The following DCC variants were observed in gnomAD, a reference collection of about 807,000 sequenced individuals.
DCC encodes DCC netrin 1 receptor.
Under a neutral mutation model 172.5 loss-of-function variants are expected in DCC, and 58 were observed. The ratio of observed to expected loss-of-function variants is 0.34; its 90% CI spans 0.27 to 0.42. The LOEUF (loss-of-function observed/expected upper bound fraction) is 0.42, where lower values mean the gene tolerates loss of function less well. Among genes scored for constraint, DCC ranks in the 10% least tolerant of loss-of-function variants. The probability of loss-of-function intolerance (pLI) is 1.00; values close to 1 mark genes in which losing one functional copy is unlikely to be tolerated. For synonymous variants in DCC, 709 were observed against 644.5 expected (o/e 1.10, Z -1.52); for missense variants, 1,740 against 1,791.0 (o/e 0.97, Z 0.51).
rs1037458998 is a variant in DCC, at chr18:53,494,510, A to T, written c.3899-4788A>T. Among the ~76,000 whole-genome samples the T allele has an allele frequency of 2.0e-5, 3 of 152,250 alleles. No homozygotes were observed. In the South Asian group the frequency reaches 6.2e-4, roughly 31 times the overall value. Reference sequence around the variant, plus strand: ...CTGGGTGCTCCTGCATTGGGTGCATATACATTTAGGATACTTAGCTCTTCT... The same window carrying T: ...CTGGGTGCTCCTGCATTGGGTGCATTTACATTTAGGATACTTAGCTCTTCT... On this transcript the variant is annotated intron_variant, in intron 26 of 28. Transcript: ENST00000442544.
At chr18:53,316,781 T>C (rs551915950) in intron 13 of DCC, among the ~76,000 whole-genome samples, 9 of 152,322 alleles carry the variant, frequency 5.9e-5, no homozygotes, top group Admixed American at 5.2e-4. Context: ...GCTTGTGATT[T>C]TTGCACATTG....
intron 25 of DCC, among the ~76,000 whole-genome samples, chr18:53,473,432 T>C (rs997329812): frequency 1.3e-5 from 2 of 152,222 alleles, no homozygotes; most frequent in African/African-American, 4.8e-5. Flanking sequence ...TTTGGAGAGC[T>C]CTTTTTTTGT....
At chr18:53,373,885 G>A (rs2058084726) in intron 15 of DCC, among the ~76,000 whole-genome samples, 1 of 102,666 alleles carries the variant, frequency 9.7e-6, no homozygotes. Flanking sequence ...ATCTTCAAGT[G>A]TGATATATGT....
In DCC at chr18:52,928,351, A is replaced by T. The variant is rs377433459; in HGVS notation, c.985+2981A>T. On this transcript the variant is annotated intron_variant, in intron 5 of 28. Coordinates refer to ENST00000442544, the MANE Select transcript of DCC (RefSeq NM_005215.4). ...ATCGAGCACTATGCTTATTACCTGG[A>T]TGACAAAATAATCTGTACACCAAGC... Among the ~76,000 whole-genome samples, 4 of 152,106 alleles carry T rather than the reference A, an allele frequency of 2.6e-5. 1 individual carries two copies. The highest frequency in any genetic ancestry group is 6.6e-5 in the Admixed American group (1 of 15,250).
intron 22 of DCC, among the ~76,000 whole-genome samples, chr18:53,448,932 T>G (rs1910130): frequency 6.6e-6 from 1 of 152,208 alleles, no homozygotes; most frequent in Non-Finnish European, 1.5e-5. Flanking sequence ...TTAGGCAACA[T>G]TTTATTATTG....
At chr18:53,140,578 T>A (rs2043815467) in intron 7 of DCC, among the ~76,000 whole-genome samples, 1 of 152,152 alleles carries the variant, frequency 6.6e-6, no homozygotes, top group Non-Finnish European at 1.5e-5. Flanking sequence ...AATAAAACAT[T>A]GTCATGTTTA....
intron 7 of DCC, among the ~76,000 whole-genome samples, chr18:53,075,396 A>T (rs1052756631): frequency 2.0e-5 from 3 of 152,218 alleles, no homozygotes; most frequent in Admixed American, 6.5e-5. Context: ...TGTATGGCAG[A>T]CTTTGAAATT....
At chr18:52,794,302 G>A (rs767723815) in intron 2 of DCC, among the ~76,000 whole-genome samples, 2 of 152,040 alleles carry the variant, frequency 1.3e-5, no homozygotes, top group Non-Finnish European at 2.9e-5. Flanking sequence ...AGCATGTGAT[G>A]TGTTTACGTT....
chr18:52,566,485 T>G (rs2033164065), intron 1 of DCC, among the ~76,000 whole-genome samples: 1 of 152,128 alleles, frequency 6.6e-6, no homozygotes, highest in Non-Finnish European at 1.5e-5. Context: ...ACCTGCACGT[T>G]CTGCACATGT....
chr18:53,329,497 G>A (rs1683103141), intron 14 of DCC, among the ~76,000 whole-genome samples: 2 of 151,766 alleles, frequency 1.3e-5, no homozygotes, highest in South Asian at 4.1e-4. Context: ...GAAAAGAAAG[G>A]CATTTATAAA....
chr18:52,437,225 T>C (rs1291689544), intron 1 of DCC, among the ~76,000 whole-genome samples: 1 of 152,178 alleles, frequency 6.6e-6, no homozygotes, highest in East Asian at 1.9e-4. Flanking sequence ...CCATGGGAGA[T>C]AGGGCTCTGA....
rs572554296 is a variant in DCC at position 53,249,455 on chromosome 18, C to T, written c.1911+33858C>T. ...TATGACAGATCAAGGGCTATGTCTACGACCTCGGGGTAGTAGAAGTCTATT... is the reference window on the plus strand; with the variant it reads ...TATGACAGATCAAGGGCTATGTCTATGACCTCGGGGTAGTAGAAGTCTATT... On this transcript the variant is annotated intron_variant, in intron 12 of 28. Transcript: ENST00000442544. Among the ~76,000 whole-genome samples the T allele has an allele frequency of 2.8e-4, 43 of 151,658 alleles. 1 individual carries two copies. Among genetic ancestry groups the T allele is most frequent in the African/African-American group, 5.3e-4 (22 of 41,372 alleles).
chr18:52,736,465 T>G (rs2036731518), intron 1 of DCC, among the ~76,000 whole-genome samples: 2 of 152,110 alleles, frequency 1.3e-5, no homozygotes, highest in Middle Eastern at 3.4e-3. Context: ...AATTATCAGG[T>G]TTTTTTATGT....
At chr18:53,483,050 C>T (rs1021151048) in intron 25 of DCC, among the ~76,000 whole-genome samples, 3 of 151,724 alleles carry the variant, frequency 2.0e-5, no homozygotes, top group Non-Finnish European at 4.4e-5. Context: ...ATATTAAACT[C>T]ACTTGAAAAA....
intron 28 of DCC, among the ~76,000 whole-genome samples, chr18:53,529,036 T>A (rs57438836): frequency 0.039 from 1,792 of 46,210 alleles, 33 homozygotes; most frequent in African/African-American, 0.11. Context: ...TCTCTCTCTC[T>A]CTCACACACA....
chr18:53,035,946 A>G (rs771152104), intron 5 of DCC, among the ~76,000 whole-genome samples: 9 of 152,048 alleles, frequency 5.9e-5, no homozygotes, highest in Non-Finnish European at 8.8e-5. Context: ...ACTTCAGTGA[A>G]TATCCATGCT....
intron 1 of DCC, among the ~76,000 whole-genome samples, chr18:52,587,989 A>G (rs1378137846): frequency 6.6e-6 from 1 of 152,146 alleles, no homozygotes; most frequent in Non-Finnish European, 1.5e-5. Context: ...TCCATTTGTG[A>G]TGGAATGCTG....
chr18:53,217,604 G>T (rs1442263723), intron 12 of DCC, among the ~76,000 whole-genome samples: 1 of 151,996 alleles, frequency 6.6e-6, no homozygotes, highest in Non-Finnish European at 1.5e-5. Flanking sequence ...CAAGAGAAAA[G>T]AAACTGGATG....
At chr18:53,009,224 A>G (rs1338386529) in intron 5 of DCC, among the ~76,000 whole-genome samples, 7 of 151,988 alleles carry the variant, frequency 4.6e-5, no homozygotes, top group Admixed American at 3.9e-4. Context: ...CCTGAAAAAC[A>G]TAAGATGATA....
Sources: gnomAD v4.1 joint callset for allele counts (sites outside exome capture counted in the v4.1 genomes callset) on GRCh38, gnomAD v4.1.1 for gene constraint, MANE v1.5 for transcripts, NCBI Gene and HGNC (gene_info 2026-07-23, HGNC 2026-07-21) for gene names.